The following VEZT variants were observed in gnomAD, a reference collection of about 807,000 sequenced individuals.
The protein encoded by VEZT is vezatin, adherens junctions transmembrane protein, also known as vezatin.
A neutral mutation model predicts 79.9 loss-of-function variants in VEZT; 39 were observed. The ratio of observed to expected loss-of-function variants is 0.49; its 90% CI spans 0.38 to 0.64. The LOEUF (loss-of-function observed/expected upper bound fraction) is 0.64. Among genes scored for constraint, VEZT ranks in the 30% least tolerant of loss-of-function variants. VEZT has a pLI of 0.00. For synonymous variants in VEZT, 325 were observed against 327.6 expected (o/e 0.99, Z 0.09); for missense variants, 837 against 893.1 (o/e 0.94, Z 0.80).
rs532197280 is a variant in VEZT, at chr12:95,244,559, G to A, written c.37-7381G>A. On this transcript the variant is annotated intron_variant, in intron 1 of 11. Coordinates refer to ENST00000436874, the MANE Select transcript of VEZT (RefSeq NM_017599.4). ...TCCCTACGTTGCATTTGGGTGATACGTCACTTTAGTCTTTCCCCACCCTCT... is the reference window on the plus strand; with the variant it reads ...TCCCTACGTTGCATTTGGGTGATACATCACTTTAGTCTTTCCCCACCCTCT... Among the ~76,000 whole-genome samples, 21 of 150,872 alleles carry A rather than the reference G, an allele frequency of 1.4e-4. No homozygotes were observed. The South Asian group carries it at 2.5e-3, about 18-fold the overall frequency.
At chr12:95,243,689 T>C (rs1177167666) in intron 1 of VEZT, among the ~76,000 whole-genome samples, 1 of 152,212 alleles carries the variant, frequency 6.6e-6, no homozygotes, top group Admixed American at 6.5e-5. Context: ...TGCTACGATG[T>C]TGGGAGGTAG....
rs530078783 is a variant in VEZT, at chr12:95,259,674, G to T, written c.258+2435G>T. ...GAGCATAGAGCCTCCAGCCATGCAG[G>T]TGATACCTGCTAATATTTAAATCGA... On this transcript the variant is annotated intron_variant, in intron 3 of 11. Transcript: ENST00000436874. 2.0e-5 allele frequency among the ~76,000 whole-genome samples: 3 copies of T among 152,196 alleles called. No individual in the cohort carries two copies. In the South Asian group the frequency reaches 6.2e-4, roughly 31 times the overall value.
At chr12:95,292,539 A>G (rs554339762) in intron 9 of VEZT, among the ~76,000 whole-genome samples, 6 of 148,318 alleles carry the variant, frequency 4.0e-5, no homozygotes, top group Admixed American at 2.7e-4. Context: ...TGTTCTACAG[A>G]TAACTGTAAT....
At chr12:95,249,684 C>T (rs1470825802) in intron 1 of VEZT, among the ~76,000 whole-genome samples, 1 of 152,142 alleles carries the variant, frequency 6.6e-6, no homozygotes, top group Non-Finnish European at 1.5e-5. Context: ...CCCTAAATGT[C>T]TTGGTCTATC....
At chr12:95,276,601 T>C (rs1424476974) in intron 7 of VEZT, among the ~76,000 whole-genome samples, 1 of 152,144 alleles carries the variant, frequency 6.6e-6, no homozygotes, top group African/African-American at 2.4e-5. Context: ...TTGATCCAAA[T>C]GTCTTAAGTT....
At chr12:95,271,270 T>A (rs1005797867) in intron 6 of VEZT, among the ~76,000 whole-genome samples, 1 of 152,222 alleles carries the variant, frequency 6.6e-6, no homozygotes, top group Non-Finnish European at 1.5e-5. Context: ...TTCCATTTTA[T>A]TCCCCATTGC....
At chr12:95,287,977 T>A in intron 9 of VEZT, 120 bp downstream of exon 9, 1 of 833,572 alleles carries the variant, frequency 1.2e-6, no homozygotes, top group Non-Finnish European at 1.7e-6. Context: ...TTTCTTAGTT[T>A]ACTTTTTTTT....
intron 2 of VEZT, chr12:95,252,386 T>C: frequency 5.5e-6 from 1 of 181,108 alleles, no homozygotes; most frequent in Admixed American, 6.2e-5. Context: ...ATAGGAATCC[T>C]CTACTAACTG....
intron 1 of VEZT, chr12:95,243,911 C>G (rs546488357): frequency 7.7e-5 from 35 of 455,380 alleles, no homozygotes; most frequent in Non-Finnish European, 1.4e-4. Flanking sequence ...TACCCACTCC[C>G]GCTTTGACCT....
At chr12:95,273,585 T>C (rs914159268) in intron 6 of VEZT, among the ~76,000 whole-genome samples, 5 of 152,232 alleles carry the variant, frequency 3.3e-5, no homozygotes, top group African/African-American at 1.2e-4. Context: ...ACAAAGTGAA[T>C]TTAAAATTTT....
chr12:95,299,439 T>G (rs1161236009), intron 11 of VEZT: 1 of 152,472 alleles, frequency 6.6e-6, no homozygotes, highest in East Asian at 1.9e-4. Flanking sequence ...TATATTATAT[T>G]TATGTATTAT....
intron 1 of VEZT, chr12:95,224,075 A>T (rs2058040757): frequency 2.3e-6 from 1 of 433,942 alleles, no homozygotes; most frequent in Non-Finnish European, 4.7e-6. Context: ...GATTGATGTT[A>T]TCATTGGTGA....
intron 8 of VEZT, chr12:95,286,909 C>G: frequency 5.1e-6 from 1 of 196,574 alleles, no homozygotes; most frequent in South Asian, 9.5e-5. Flanking sequence ...TCTGTGGTGT[C>G]TCCAGTCTTG....
intron 1 of VEZT, among the ~76,000 whole-genome samples, chr12:95,239,256 G>A (rs1434516676): frequency 1.3e-5 from 2 of 152,344 alleles, no homozygotes; most frequent in East Asian, 3.9e-4. Context: ...GAGCAGTTGA[G>A]CTTAGTGTCC....
At chr12:95,219,948 G>A (rs1479607491) in intron 1 of VEZT, among the ~76,000 whole-genome samples, 1 of 152,054 alleles carries the variant, frequency 6.6e-6, no homozygotes, top group Non-Finnish European at 1.5e-5. Context: ...TTAGATGCTA[G>A]CTTTAAAAAA....
In VEZT at chr12:95,300,196, A is replaced by C; in HGVS notation, c.1863A>C (p.Pro621=). The change falls in exon 12 of 12, where the codon CCA becomes CCC. Residue 621 remains proline, a synonymous_variant. Coordinates refer to ENST00000436874, the MANE Select transcript of VEZT (RefSeq NM_017599.4). ...AVLKSLSPVD[P]VEPISNSEPS... is the part of the protein sequence containing the mutation. ...TGAAATCCTTGTCTCCTGTAGACCC[A>C]GTGGAACCCATAAGTAATTCAGAAC... is the stretch of plus-strand genomic sequence containing the variant. 6.5e-7 allele frequency: 1 copy of C among 1,548,796 alleles called. No homozygotes were observed. The highest frequency in any genetic ancestry group is 8.7e-7 in the Non-Finnish European group (1 of 1,146,548).
At chr12:95,222,163 CAGA>C (rs2057718156) in intron 1 of VEZT, among the ~76,000 whole-genome samples, 2 of 152,186 alleles carry the variant, frequency 1.3e-5, no homozygotes, top group Admixed American at 1.3e-4. Flanking sequence ...TTTCAATGAA[CAGA>C]AGCTCCTTAT....
chr12:95,245,679 C>A, intron 1 of VEZT: 1 of 399,698 alleles, frequency 2.5e-6, no homozygotes, highest in South Asian at 1.9e-5. Flanking sequence ...AAGAGTGAAG[C>A]TAATAATAAA....
At chr12:95,259,210 A>G (rs2063964374) in intron 3 of VEZT, among the ~76,000 whole-genome samples, 1 of 144,404 alleles carries the variant, frequency 6.9e-6, no homozygotes, top group Non-Finnish European at 1.5e-5. Context: ...TTCTTGATCC[A>G]TTAGAATCTT....
Sources: gnomAD v4.1 joint callset for allele counts (sites outside exome capture counted in the v4.1 genomes callset) on GRCh38, gnomAD v4.1.1 for gene constraint, MANE v1.5 for transcripts, NCBI Gene and HGNC (gene_info 2026-07-23, HGNC 2026-07-21) for gene names.